The following BCL11B variants were observed in gnomAD, a reference collection of about 807,000 sequenced individuals.
The protein encoded by BCL11B is BCL11 transcription factor B, also known as B-cell lymphoma/leukemia 11B.
Under a neutral mutation model 49.9 loss-of-function variants are expected in BCL11B, and 8 were observed. The ratio of observed to expected loss-of-function variants is 0.16; its 90% confidence interval spans 0.09 to 0.29. The LOEUF (loss-of-function observed/expected upper bound fraction) is 0.29. Ranked by LOEUF, BCL11B falls within the 10% of genes least tolerant of loss-of-function variation. The pLI is 1.00. For missense variants in BCL11B, 1,006 were observed against 1,351.0 expected, an observed-to-expected ratio of 0.74 and a Z score of 4.00; for synonymous variants, 739 against 637.4, an observed-to-expected ratio of 1.16 and a Z score of -2.40.
intron 2 of BCL11B, among the ~76,000 whole-genome samples, chr14:99,255,401 C>G (rs184651097): frequency 3.7e-4 from 29 of 77,642 alleles, no homozygotes; most frequent in Admixed American, 1.3e-3. Flanking sequence ...AGTATCACAA[C>G]CTGGAAAAAA....
intron 2 of BCL11B, among the ~76,000 whole-genome samples, chr14:99,233,851 C>T (rs1234781145): frequency 6.6e-6 from 1 of 152,168 alleles, no homozygotes; most frequent in African/African-American, 2.4e-5. Flanking sequence ...TGAAGTCCAC[C>T]TGCTCCAGGG....
At chr14:99,176,561 G>A (rs1366989476) in intron 3 of BCL11B, among the ~76,000 whole-genome samples, 1 of 152,244 alleles carries the variant, frequency 6.6e-6, no homozygotes, top group Non-Finnish European at 1.5e-5. Flanking sequence ...TGTCAAGGCT[G>A]GACTGTGTAA....
intron 3 of BCL11B, among the ~76,000 whole-genome samples, chr14:99,183,508 C>G (rs1393646566): frequency 6.6e-6 from 1 of 152,050 alleles, no homozygotes; most frequent in African/African-American, 2.4e-5. Context: ...CAGCACGAGC[C>G]ATGTTCCTTC....
intron 2 of BCL11B, among the ~76,000 whole-genome samples, chr14:99,233,890 G>A (rs1888411442): frequency 6.6e-6 from 1 of 152,118 alleles, no homozygotes. Context: ...GGGGAGGGGG[G>A]CAGCCGGGAG....
Position 99,175,117 on chromosome 14 carries a change from C to G in BCL11B, c.1719G>C (p.Val573=). The G allele has an allele frequency of 6.3e-7, 1 of 1,589,552 alleles. No homozygotes were observed. The highest frequency in any genetic ancestry group is 1.1e-5 in the South Asian group (1 of 90,572). ...SRNRENGGGG[V]PGVPGAGGGA... ...CGCCCCCCGCGCCCGGGACCCCGGGCACCCCACCACCGCCGTTCTCGCGGT... is the reference window on the plus strand; with the variant it reads ...CGCCCCCCGCGCCCGGGACCCCGGGGACCCCACCACCGCCGTTCTCGCGGT... Residue 573 remains valine, a synonymous_variant, in exon 4 of 4, where the codon GTG becomes GTC. Coordinates refer to ENST00000357195, the MANE Select transcript of BCL11B (RefSeq NM_138576.4).
At chr14:99,268,603 C>T (rs1889555164) in intron 1 of BCL11B, among the ~76,000 whole-genome samples, 1 of 152,056 alleles carries the variant, frequency 6.6e-6, no homozygotes, top group African/African-American at 2.4e-5. Flanking sequence ...CTAAAGTGCA[C>T]CCCATTCCTG....
chr14:99,260,651 T>G (rs956535591), intron 1 of BCL11B, among the ~76,000 whole-genome samples: 8 of 152,052 alleles, frequency 5.3e-5, no homozygotes, highest in African/African-American at 1.9e-4. Context: ...TCTCCTCTTT[T>G]TTTTATTTTT....
chr14:99,174,616 C>T lies in BCL11B; in HGVS notation c.2220G>A (p.Ser740=), dbSNP rs755173953. 1.5e-5 allele frequency: 24 copies of T among 1,549,232 alleles called. No individual in the cohort carries two copies. Among genetic ancestry groups the T allele is most frequent in the Non-Finnish European group, 3.5e-6 (4 of 1,152,026 alleles). ...TGCCGTTCTCGGACGAGTGCTCGGA[C>T]GACGTGGCGAAGGGCGACTGTCGTG... ...TDARQSPFAT[S]SEHSSENGSL... is the part of the protein sequence containing the mutation. Residue 740 remains serine (S), a synonymous_variant, in exon 4 of 4, where the codon TCG becomes TCA. Transcript: ENST00000357195.
In BCL11B at chr14:99,271,298, G is replaced by T; in HGVS notation, c.-80C>A. The T allele has an allele frequency of 1.1e-6, 1 of 885,082 alleles. No individual in the cohort carries two copies. The highest frequency in any genetic ancestry group is 1.5e-6 in the Non-Finnish European group (1 of 675,884). 54.8% of individuals were successfully genotyped at this position (885,082 alleles called of 1,614,324 possible). ...GGGGGAGGGGGTCCGAGCCGCCGCC[G>T]CGCCGCTGCCGCCGCTGCCGCCGCC... On this transcript the variant is annotated 5_prime_UTR_variant, in exon 1 of 4. Coordinates refer to ENST00000357195, the MANE Select transcript of BCL11B (RefSeq NM_138576.4).
rs1266729155 is a variant in BCL11B at position 99,174,253 on chromosome 14, C to T, written c.2583G>A (p.Met861Ile). Residue 861 changes from methionine to isoleucine, a missense_variant, in exon 4 of 4, where the codon ATG becomes ATA. This residue lies in a region of BCL11B where 24 missense variants were observed against 128.4 expected (regional missense o/e 0.19). Transcript: ENST00000357195. The part of the protein sequence containing the change: ...KEVYRCDICQ[M>I]PFSVYSTLEK... ...CCAGGGTGCTGTAGACGCTGAAGGG[C>T]ATCTGGCAGATGTCGCAGCGGTACA... 6.2e-7 allele frequency: 1 copy of T among 1,613,914 alleles called. No homozygotes were observed. Among genetic ancestry groups the T allele is most frequent in the Non-Finnish European group, 8.5e-7 (1 of 1,180,024 alleles).
intron 2 of BCL11B, among the ~76,000 whole-genome samples, chr14:99,245,953 G>T (rs1393079553): frequency 6.6e-6 from 1 of 152,152 alleles, no homozygotes. Flanking sequence ...ACGGGGGCGG[G>T]GGGGAAAGGA....
intron 2 of BCL11B, among the ~76,000 whole-genome samples, chr14:99,240,857 C>T (rs1022392033): frequency 2.6e-5 from 4 of 152,190 alleles, no homozygotes; most frequent in African/African-American, 9.7e-5. Flanking sequence ...CGCGAGACGC[C>T]GCTGTAACAG....
chr14:99,199,695 C>CGCGT (rs1566806770), intron 3 of BCL11B, among the ~76,000 whole-genome samples: 1 of 62,624 alleles, frequency 1.6e-5, no homozygotes, highest in Non-Finnish European at 5.0e-5. Flanking sequence ...CGCGCGCGCG[C>CGCGT]GCACGTGCAC....
At chr14:99,200,132 T>C (rs969763625) in intron 3 of BCL11B, among the ~76,000 whole-genome samples, 1 of 152,052 alleles carries the variant, frequency 6.6e-6, no homozygotes, top group African/African-American at 2.4e-5. Flanking sequence ...AACAGTCTTA[T>C]TGACACACAT....
chr14:99,181,764 C>T (rs923958536), intron 3 of BCL11B, among the ~76,000 whole-genome samples: 2 of 152,158 alleles, frequency 1.3e-5, no homozygotes, highest in Non-Finnish European at 2.9e-5. Context: ...GTGGCCAAAT[C>T]CAGGGATGGG....
At chr14:99,219,836 G>T in intron 3 of BCL11B, among the ~76,000 whole-genome samples, 1 of 151,760 alleles carries the variant, frequency 6.6e-6, no homozygotes, top group African/African-American at 2.4e-5. Context: ...GCTGTCCTGG[G>T]AGACAGAACT....
chr14:99,264,494 A>T (rs1427094218), intron 1 of BCL11B: 1 of 117,932 alleles, frequency 8.5e-6, no homozygotes, highest in Non-Finnish European at 1.8e-5. Context: ...TGTAAAAGAG[A>T]GGATTTTTTT....
intron 2 of BCL11B, among the ~76,000 whole-genome samples, chr14:99,239,719 G>A (rs769095976): frequency 1.1e-4 from 17 of 152,126 alleles, no homozygotes; most frequent in Non-Finnish European, 1.6e-4. Flanking sequence ...ATCCTGACAC[G>A]TGTTAAGAAT....
At chr14:99,202,445 A>G (rs1887413089) in intron 3 of BCL11B, among the ~76,000 whole-genome samples, 1 of 152,226 alleles carries the variant, frequency 6.6e-6, no homozygotes, top group African/African-American at 2.4e-5. Flanking sequence ...CTGCCCTTCC[A>G]TCAGAGAAGG....
Sources: allele counts gnomAD v4.1 joint callset (sites outside exome capture counted in the v4.1 genomes callset), GRCh38; gene constraint gnomAD v4.1.1; regional missense constraint gnomAD v4.1.1; transcripts MANE v1.5; gene names NCBI Gene and HGNC (gene_info 2026-07-23, HGNC 2026-07-21).